MDGA2: variants seen among roughly 807,000 people sequenced by gnomAD.
MDGA2 encodes MAM domain-containing glycosylphosphatidylinositol anchor protein 2.
A neutral mutation model predicts 117.8 loss-of-function variants in MDGA2; 40 were observed. The ratio of observed to expected loss-of-function variants is 0.34; its 90% CI spans 0.26 to 0.44. MDGA2 has a LOEUF of 0.44. Among genes scored for constraint, MDGA2 ranks in the 20% least tolerant of loss-of-function variants. The pLI is 1.00. For missense variants in MDGA2, 1,123 were observed against 1,250.6 expected (o/e 0.90, Z 1.54); for synonymous variants, 452 against 439.0 (o/e 1.03, Z -0.37).
At chr14:47,033,678 G>GA (rs925235246) in intron 8 of MDGA2, among the ~76,000 whole-genome samples, 23 of 152,202 alleles carry the variant, frequency 1.5e-4, no homozygotes, top group African/African-American at 4.3e-4. Flanking sequence ...CTTATTTGGA[G>GA]AAAAAACTCA....
intron 2 of MDGA2, among the ~76,000 whole-genome samples, chr14:47,235,369 G>A (rs1886823362): frequency 6.6e-6 from 1 of 152,126 alleles, no homozygotes; most frequent in African/African-American, 2.4e-5. Context: ...GAAGGAGGAG[G>A]TTTTATTGTT....
At chr14:47,400,900 G>A (rs1315256701) in intron 1 of MDGA2, among the ~76,000 whole-genome samples, 1 of 145,284 alleles carries the variant, frequency 6.9e-6, no homozygotes, top group African/African-American at 2.5e-5. Flanking sequence ...TGGGACTACA[G>A]GCACCCACCA....
At chr14:46,845,623 A>C (rs767829821) in intron 16 of MDGA2, 143 bp downstream of exon 16, 2 of 499,008 alleles carry the variant, frequency 4.0e-6, no homozygotes, top group African/African-American at 2.0e-5. Flanking sequence ...AACTGAACAA[A>C]CTTTAGGGTA....
intron 10 of MDGA2, among the ~76,000 whole-genome samples, chr14:46,909,450 C>T (rs1883617312): frequency 6.6e-6 from 1 of 152,110 alleles, no homozygotes; most frequent in Non-Finnish European, 1.5e-5. Context: ...TGAGCAGAAG[C>T]ACCGTATGTC....
intron 8 of MDGA2, among the ~76,000 whole-genome samples, chr14:46,969,760 A>T (rs1401956739): frequency 6.6e-6 from 1 of 151,668 alleles, no homozygotes; most frequent in Non-Finnish European, 1.5e-5. Flanking sequence ...CAGGAAGGGG[A>T]ACATCACACA....
At chr14:47,295,207 G>T (rs975460832) in intron 2 of MDGA2, among the ~76,000 whole-genome samples, 1 of 152,168 alleles carries the variant, frequency 6.6e-6, no homozygotes, top group Non-Finnish European at 1.5e-5. Flanking sequence ...GAGCTGCTTT[G>T]ATTGATGCAC....
chr14:47,538,894 A>T (rs1029917346), intron 1 of MDGA2, among the ~76,000 whole-genome samples: 1 of 152,144 alleles, frequency 6.6e-6, no homozygotes, highest in African/African-American at 2.4e-5. Context: ...GGCTCATTAT[A>T]TATCTCAGGG....
At chr14:47,402,517 A>G (rs1892175911) in intron 1 of MDGA2, among the ~76,000 whole-genome samples, 1 of 152,180 alleles carries the variant, frequency 6.6e-6, no homozygotes, top group Non-Finnish European at 1.5e-5. Flanking sequence ...TATAAATGAT[A>G]CAGAAGTTCC....
chr14:47,633,527 G>A (rs1292281786), intron 1 of MDGA2, among the ~76,000 whole-genome samples: 1 of 152,218 alleles, frequency 6.6e-6, no homozygotes, highest in East Asian at 1.9e-4. Context: ...AAACACTTTA[G>A]TAAACATGTA....
chr14:47,046,465 G>C (rs1298553606), intron 7 of MDGA2, among the ~76,000 whole-genome samples: 1 of 151,538 alleles, frequency 6.6e-6, no homozygotes, highest in Non-Finnish European at 1.5e-5. Context: ...GGTTGGGGGA[G>C]AGGGGAGGGA....
At chr14:47,033,689 T>A (rs532211522) in intron 8 of MDGA2, among the ~76,000 whole-genome samples, 2 of 152,144 alleles carry the variant, frequency 1.3e-5, no homozygotes, top group African/African-American at 4.8e-5. Context: ...AAAAAACTCA[T>A]AATCGATTAG....
intron 14 of MDGA2, among the ~76,000 whole-genome samples, chr14:46,867,184 C>T (rs1001212904): frequency 1.7e-4 from 26 of 152,226 alleles, no homozygotes; most frequent in African/African-American, 5.8e-4. Flanking sequence ...AAATGTGGCA[C>T]ACATACACCA....
intron 4 of MDGA2, among the ~76,000 whole-genome samples, chr14:47,137,105 T>C (rs1882495140): frequency 6.6e-6 from 1 of 152,188 alleles, no homozygotes; most frequent in African/African-American, 2.4e-5. Context: ...TCATGGACAC[T>C]GCTGGTATTT....
chr14:47,225,372 T>C (rs1462289219), intron 2 of MDGA2, among the ~76,000 whole-genome samples: 2 of 151,738 alleles, frequency 1.3e-5, no homozygotes, highest in East Asian at 3.9e-4. Flanking sequence ...GTATGTTTAT[T>C]GCGGCACTAT....
At chr14:47,084,263 T>C (rs1236573525) in intron 6 of MDGA2, among the ~76,000 whole-genome samples, 1 of 151,958 alleles carries the variant, frequency 6.6e-6, no homozygotes, top group African/African-American at 2.4e-5. Flanking sequence ...ATCTCCAAAT[T>C]CTTGGAAACT....
At chr14:47,151,396 A>T (rs2139230906) in intron 3 of MDGA2, among the ~76,000 whole-genome samples, 1 of 152,362 alleles carries the variant, frequency 6.6e-6, no homozygotes, top group East Asian at 1.9e-4. Flanking sequence ...GCTTCCAGGA[A>T]GAAAAAGCAC....
At chr14:47,101,380 A>T (rs1958095) in intron 5 of MDGA2, among the ~76,000 whole-genome samples, 16,997 of 152,144 alleles carry the variant, frequency 0.11, 1,092 homozygotes, top group Admixed American at 0.11. Context: ...TGGCAAACAA[A>T]GTTTTCTTGG....
chr14:47,010,253 C>T (rs934236717), intron 8 of MDGA2, among the ~76,000 whole-genome samples: 3 of 151,802 alleles, frequency 2.0e-5, no homozygotes, highest in African/African-American at 7.3e-5. Context: ...TGCAAATAGT[C>T]AATAGATGCT....
intron 1 of MDGA2, among the ~76,000 whole-genome samples, chr14:47,368,427 CTAGAT>C (rs1408034424): frequency 2.0e-5 from 3 of 152,130 alleles, no homozygotes; most frequent in Non-Finnish European, 4.4e-5. Flanking sequence ...CTACTACCAT[CTAGAT>C]TAGAGAATAG....
Sources: gnomAD v4.1 joint callset for allele counts (sites outside exome capture counted in the v4.1 genomes callset) on GRCh38, gnomAD v4.1.1 for gene constraint, MANE v1.5 for transcripts, NCBI Gene and HGNC (gene_info 2026-07-23, HGNC 2026-07-21) for gene names.